The following CENPC variants were observed in gnomAD, a reference collection of about 807,000 sequenced individuals.
CENPC encodes the protein centromere protein C.
A neutral mutation model predicts 112.1 loss-of-function variants in CENPC; 63 were observed. That is an observed-to-expected ratio of 0.56 (90% CI 0.46 to 0.69). The LOEUF (loss-of-function observed/expected upper bound fraction) is 0.69. CENPC is among the 30% of genes least tolerant of loss of function. The probability of loss-of-function intolerance (pLI) is 0.00; values close to 1 mark genes in which losing one functional copy is unlikely to be tolerated. For missense variants in CENPC, 1,000 were observed against 1,103.8 expected, an observed-to-expected ratio of 0.91 and a Z score of 1.33; for synonymous variants, 333 against 367.6, an observed-to-expected ratio of 0.91 and a Z score of 1.08.
At chr4:67,478,655 CA>C (rs1560417871) in intron 17 of CENPC, among the ~76,000 whole-genome samples, 17 of 151,586 alleles carry the variant, frequency 1.1e-4, no homozygotes, top group Non-Finnish European at 1.5e-4. Flanking sequence ...CACACACACA[CA>C]CACACACACA....
chr4:67,512,421 C>T lies in CENPC; in HGVS notation c.1593G>A (p.Trp531Ter). The change falls in exon 9 of 19, where the codon TGG (tryptophan) becomes TGA (stop). Residue 531 changes from tryptophan (W) to a stop codon, truncating the protein, a stop_gained. Coordinates refer to ENST00000273853, the MANE Select transcript of CENPC (RefSeq NM_001812.4). LOFTEE classifies it high-confidence loss of function. ...RRISRRPSDW[W>*]VVKSEESPVY... ...ACTTACTCTCCTCTGATTTTACCAC[C>T]CACCAATCAGATGGACGCCTGGAAA... 1 of 1,594,458 alleles carries T rather than the reference C, an allele frequency of 6.3e-7. No homozygotes were observed.
chr4:67,510,045 A>G (rs1577989998), intron 9 of CENPC, among the ~76,000 whole-genome samples: 1 of 152,156 alleles, frequency 6.6e-6, no homozygotes, highest in East Asian at 1.9e-4. Flanking sequence ...CAGTTTCTCT[A>G]AAGCACTGGT....
chr4:67,508,595 C>T (rs1034998160), intron 10 of CENPC, among the ~76,000 whole-genome samples: 1 of 149,240 alleles, frequency 6.7e-6, no homozygotes, highest in Non-Finnish European at 1.5e-5. Context: ...ATTCCAGGTG[C>T]TATGTACTAT....
intron 14 of CENPC, 74 bp from the exon 15 acceptor site, chr4:67,493,071 A>G: frequency 8.2e-7 from 1 of 1,213,200 alleles, no homozygotes; most frequent in African/African-American, 1.6e-5. Context: ...TAAATTTAAT[A>G]TGGCACATTT....
chr4:67,510,254 G>A (rs1305573235), intron 9 of CENPC, among the ~76,000 whole-genome samples: 1 of 152,116 alleles, frequency 6.6e-6, no homozygotes, highest in Non-Finnish European at 1.5e-5. Flanking sequence ...CTCTGCTCCA[G>A]ATCTCTGCAC....
At chr4:67,541,360 T>A (rs1031393052) in intron 2 of CENPC, among the ~76,000 whole-genome samples, 1 of 152,174 alleles carries the variant, frequency 6.6e-6, no homozygotes, top group African/African-American at 2.4e-5. Flanking sequence ...ATGAATCCAA[T>A]CAGTCCTGAA....
intron 17 of CENPC, among the ~76,000 whole-genome samples, chr4:67,476,650 G>A (rs531617567): frequency 2.6e-5 from 4 of 152,326 alleles, no homozygotes; most frequent in African/African-American, 9.6e-5. Context: ...TTGATGAAGC[G>A]TGAATTTTCC....
At chr4:67,545,266 TCCCCAGCCTCGGGCGCCCGTG>T (rs1726997810) in intron 1 of CENPC, 51 bp downstream of exon 1, 2 of 1,397,218 alleles carry the variant, frequency 1.4e-6, no homozygotes, top group African/African-American at 3.0e-5. Context: ...CATTTCCTTC[TCCCCAGCCTCGGGCGCCCGTG>T]CCCCAGCCAG....
In CENPC at chr4:67,469,059, C is replaced by G. The variant is rs965428640; in HGVS notation, c.*3546G>C. The stretch of plus-strand genomic sequence containing the variant: ...ATGATGAAATAGAACTATACACATG[C>G]ATTGTATCCTTGCCAAATTCCTGTT... On this transcript the variant is annotated 3_prime_UTR_variant, in exon 19 of 19. Coordinates refer to ENST00000273853, the MANE Select transcript of CENPC (RefSeq NM_001812.4). The G allele has an allele frequency of 7.9e-5, 12 of 152,276 alleles. No homozygotes were observed. Among genetic ancestry groups the G allele is most frequent in the African/African-American group, 2.9e-4 (12 of 41,558 alleles). 9.4% of individuals were successfully genotyped at this position (152,276 alleles called of 1,614,324 possible).
At chr4:67,487,424 C>G (rs1378643368) in intron 17 of CENPC, among the ~76,000 whole-genome samples, 1 of 151,770 alleles carries the variant, frequency 6.6e-6, no homozygotes, top group South Asian at 2.1e-4. Flanking sequence ...TATCCTTAGC[C>G]AGCCAGTGGT....
chr4:67,503,940 T>G (rs1725663333), intron 12 of CENPC, among the ~76,000 whole-genome samples: 1 of 152,056 alleles, frequency 6.6e-6, no homozygotes, highest in Non-Finnish European at 1.5e-5. Flanking sequence ...CACCTGATAT[T>G]AAACTAAGCA....
intron 12 of CENPC, among the ~76,000 whole-genome samples, chr4:67,503,307 C>A (rs544378534): frequency 6.6e-6 from 1 of 152,196 alleles, no homozygotes; most frequent in South Asian, 2.1e-4. Context: ...CTACCTGGTA[C>A]ACTATTTACC....
At chr4:67,518,463 A>C (rs1347985120) in intron 6 of CENPC, 95 bp from the exon 7 acceptor site, 1 of 1,262,288 alleles carries the variant, frequency 7.9e-7, no homozygotes, top group Non-Finnish European at 1.0e-6. Flanking sequence ...ATACAGACCA[A>C]TTTAAAATTC....
At position 67,512,563 on chromosome 4, in the gene CENPC, T is replaced by C. The variant is rs1377830574; in HGVS notation, c.1451A>G (p.Lys484Arg). 1 of 1,510,506 alleles carries C rather than the reference T, an allele frequency of 6.6e-7. No individual in the cohort carries two copies. Among genetic ancestry groups the C allele is most frequent in the East Asian group, 2.4e-5 (1 of 41,826 alleles). The allele number at this position is 1,510,506 out of a possible 1,614,324, so 93.6% of individuals were successfully genotyped here. ...SKKQMPPVGS[K>R]KSSTRKDKEE... The stretch of plus-strand genomic sequence containing the variant: ...CTTATCTTTTCTAGTGCTACTTTTC[T>C]TGCTTCCTAAAATAAAGAAAACCAT... The change falls in exon 9 of 19, where the codon AAG (lysine) becomes AGG (arginine). Residue 484 changes from lysine (K) to arginine (R), a missense_variant. By Grantham distance (26) the Lys-to-Arg change is conservative (BLOSUM62 2). Transcript: ENST00000273853.
At chr4:67,496,495 T>C (rs914845857) in intron 12 of CENPC, among the ~76,000 whole-genome samples, 1 of 152,238 alleles carries the variant, frequency 6.6e-6, no homozygotes, top group Non-Finnish European at 1.5e-5. Context: ...ATGAAATATA[T>C]ACCTTTTTTC....
At position 67,509,199 on chromosome 4, in the gene CENPC, T is replaced by C. The variant is rs981219083; in HGVS notation, c.1613-94A>G. ...CAGCATTTATATTTGCATATAAACA[T>C]ATACACATACACACACACACACACA... On this transcript the variant is annotated intron_variant, in intron 9 of 18. Coordinates refer to ENST00000273853, the MANE Select transcript of CENPC (RefSeq NM_001812.4). 8 of 630,626 alleles carry C rather than the reference T, an allele frequency of 1.3e-5. No individual in the cohort carries two copies. The Admixed American group carries it at 2.1e-4, about 16-fold the overall frequency. 39.1% of individuals were successfully genotyped at this position (630,626 alleles called of 1,614,324 possible). A position where few individuals can be genotyped will look rare whatever the true frequency, so the allele number is the denominator to read the frequency against.
In CENPC at chr4:67,514,697, G is replaced by T; in HGVS notation, c.831-10C>A. ...ATGCCTAACAATGGGACTGAAACAG[G>T]GTGATACTTTTAACAGTTCAAAAAA... On this transcript the variant is annotated splice_polypyrimidine_tract_variant and intron_variant, in intron 7 of 18. Transcript: ENST00000273853. 6.3e-7 allele frequency: 1 copy of T among 1,593,120 alleles called. No homozygotes were observed. Among genetic ancestry groups the T allele is most frequent in the Non-Finnish European group, 8.6e-7 (1 of 1,168,544 alleles).
At chr4:67,484,255 TC>T (rs1307355873) in intron 17 of CENPC, among the ~76,000 whole-genome samples, 1 of 152,222 alleles carries the variant, frequency 6.6e-6, no homozygotes, top group African/African-American at 2.4e-5. Flanking sequence ...CAGGGTATCA[TC>T]CTATATAGCC....
chr4:67,469,572 T>G lies in CENPC; in HGVS notation c.*3033A>C, dbSNP rs1724597212. 1 of 152,422 alleles carries G rather than the reference T, an allele frequency of 6.6e-6. No individual in the cohort carries two copies. Among genetic ancestry groups the G allele is most frequent in the South Asian group, 2.1e-4 (1 of 4,840 alleles). The allele number at this position is 152,422 out of a possible 1,614,324, so 9.4% of individuals were successfully genotyped here. A position where few individuals can be genotyped will look rare whatever the true frequency, so the allele number is the denominator to read the frequency against. ...GTTAGCCAGGCTGGTCTCGAACTCC[T>G]GACCTCATGATCCACCCGACTTAGC... On this transcript the variant is annotated 3_prime_UTR_variant, in exon 19 of 19. Coordinates refer to ENST00000273853, the MANE Select transcript of CENPC (RefSeq NM_001812.4).
Sources: gnomAD v4.1 joint callset for allele counts (sites outside exome capture counted in the v4.1 genomes callset) on GRCh38, gnomAD v4.1.1 for gene constraint, MANE v1.5 for transcripts, NCBI Gene and HGNC (gene_info 2026-07-23, HGNC 2026-07-21) for gene names.